CSGALNACT1: variants seen among roughly 807,000 people sequenced by gnomAD.
CSGALNACT1 encodes chondroitin sulfate N-acetylgalactosaminyltransferase 1, also known as beta4GalNAcT-1.
In CSGALNACT1, 52 loss-of-function variants were observed where a neutral mutation model predicts 51.0. The ratio of observed to expected loss-of-function variants is 1.02; its 90% CI spans 0.82 to 1.29. The LOEUF (loss-of-function observed/expected upper bound fraction) is 1.29. Ranked by LOEUF, CSGALNACT1 falls within the 50% of genes most tolerant of loss-of-function variation. The probability of loss-of-function intolerance (pLI) is 0.00; values close to 1 mark genes in which losing one functional copy is unlikely to be tolerated. For missense variants in CSGALNACT1, 935 were observed against 679.2 expected (o/e 1.38, Z -4.19); for synonymous variants, 341 against 254.4 (o/e 1.34, Z -3.24).
At chr8:19,520,186 G>A (rs142329205) in intron 3 of CSGALNACT1, among the ~76,000 whole-genome samples, 83 of 152,282 alleles carry the variant, frequency 5.5e-4, no homozygotes, top group African/African-American at 9.6e-4. Flanking sequence ...ATTATAGAAC[G>A]GGACTACAGA....
intron 1 of CSGALNACT1, among the ~76,000 whole-genome samples, chr8:19,727,941 T>C (rs2063491927): frequency 6.6e-6 from 1 of 152,200 alleles, no homozygotes; most frequent in Non-Finnish European, 1.5e-5. Context: ...AAATTATTGC[T>C]GAGTCTCTTT....
intron 1 of CSGALNACT1, among the ~76,000 whole-genome samples, chr8:19,661,079 AT>A (rs67272509): frequency 0.21 from 30,093 of 143,338 alleles, 3,549 homozygotes; most frequent in African/African-American, 0.35. Flanking sequence ...CACCTGGCTA[AT>A]TTTTTTTTTT....
In CSGALNACT1 at chr8:19,408,587, G is replaced by A. The variant is rs749053013; in HGVS notation, c.1309+26C>T. On this transcript the variant is annotated intron_variant, in intron 9 of 9. Coordinates refer to ENST00000454498, the Ensembl canonical transcript of CSGALNACT1. The stretch of plus-strand genomic sequence containing the variant: ...TACATGGGCCCGTGGCCTCTGGGTG[G>A]CAGTAGAGATGCAGATTTGTCCTAC... 3 of 1,600,390 alleles carry A rather than the reference G, an allele frequency of 1.9e-6. No homozygotes were observed. The East Asian group carries it at 6.7e-5, about 36-fold the overall frequency.
chr8:19,449,419 G>C (rs968591437), intron 5 of CSGALNACT1, among the ~76,000 whole-genome samples: 5 of 152,098 alleles, frequency 3.3e-5, no homozygotes, highest in Non-Finnish European at 7.4e-5. Flanking sequence ...TTTCCTGTTG[G>C]GGAACACAAA....
chr8:19,671,671 G>A (rs540799527), intron 1 of CSGALNACT1, among the ~76,000 whole-genome samples: 1 of 152,288 alleles, frequency 6.6e-6, no homozygotes, highest in South Asian at 2.1e-4. Context: ...TAAATGTCAA[G>A]TATGTTAAAA....
chr8:19,748,074 T>C (rs1027023760), intron 1 of CSGALNACT1, among the ~76,000 whole-genome samples: 48 of 152,290 alleles, frequency 3.2e-4, no homozygotes, highest in African/African-American at 1.1e-3. Context: ...CTTACTTCTA[T>C]GCATATAAGT....
chr8:19,409,500 T>G (rs11781536), intron 8 of CSGALNACT1, among the ~76,000 whole-genome samples: 2,186 of 139,952 alleles, frequency 0.016, 16 homozygotes, highest in Middle Eastern at 0.044. Context: ...TATATATATA[T>G]AGAGAGAGAG....
Position 19,719,091 on chromosome 8 carries a change from C to T in CSGALNACT1, c.-297+38759G>A, listed in dbSNP as rs1345457944. Reference sequence around the variant, plus strand: ...GAGCTAAATTTGTACCCTATTTCTACGAAGTACACAGGACCTGATACCACA... The same window carrying T: ...GAGCTAAATTTGTACCCTATTTCTATGAAGTACACAGGACCTGATACCACA... On this transcript the variant is annotated intron_variant, in intron 1 of 1. Transcript: ENST00000517494. 2.6e-5 allele frequency among the ~76,000 whole-genome samples: 4 copies of T among 152,174 alleles called. No individual in the cohort carries two copies. In the South Asian group the frequency reaches 6.2e-4, roughly 24 times the overall value.
At chr8:19,564,994 T>G (rs1321824254) in intron 3 of CSGALNACT1, among the ~76,000 whole-genome samples, 1 of 152,204 alleles carries the variant, frequency 6.6e-6, no homozygotes, top group Non-Finnish European at 1.5e-5. Flanking sequence ...TGCTGTGCTG[T>G]GCTTTGCATA....
intron 4 of CSGALNACT1, among the ~76,000 whole-genome samples, chr8:19,474,370 A>G (rs894820646): frequency 6.6e-6 from 1 of 152,156 alleles, no homozygotes; most frequent in African/African-American, 2.4e-5. Context: ...TATTTTTAAA[A>G]TTTACTTATT....
chr8:19,707,284 T>C (rs7843312), intron 1 of CSGALNACT1, among the ~76,000 whole-genome samples: 58,914 of 151,970 alleles, frequency 0.39, 12,069 homozygotes, highest in East Asian at 0.66. Context: ...TAATTAGGCA[T>C]AACAAATTAC....
chr8:19,602,082 T>C, exon 1 of CSGALNACT1: 1 of 293,758 alleles, frequency 3.4e-6, no homozygotes. Context: ...CTTTAAACAG[T>C]GATAACCATG....
intron 1 of CSGALNACT1, among the ~76,000 whole-genome samples, chr8:19,747,271 C>T (rs1248325666): frequency 2.6e-5 from 4 of 151,950 alleles, no homozygotes; most frequent in East Asian, 1.9e-4. Context: ...AAAAAAAAGC[C>T]GGTATTTCCA....
chr8:19,607,367 A>G (rs2051541906), upstream of CSGALNACT1, among the ~76,000 whole-genome samples: 1 of 152,186 alleles, frequency 6.6e-6, no homozygotes, highest in Admixed American at 6.5e-5. Context: ...CATTATAACT[A>G]GTCTCTTGAA....
At chr8:19,731,943 T>G (rs2063717017) in intron 1 of CSGALNACT1, among the ~76,000 whole-genome samples, 1 of 152,244 alleles carries the variant, frequency 6.6e-6, no homozygotes, top group African/African-American at 2.4e-5. Context: ...ATCTTTGGCA[T>G]TTCAATTATG....
At chr8:19,692,202 G>A (rs549333875) in intron 1 of CSGALNACT1, among the ~76,000 whole-genome samples, 1 of 152,218 alleles carries the variant, frequency 6.6e-6, no homozygotes, top group East Asian at 1.9e-4. Context: ...GAATTATAGG[G>A]ATTACAATTA....
intron 3 of CSGALNACT1, among the ~76,000 whole-genome samples, chr8:19,553,285 GA>G (rs1349626407): frequency 1.3e-5 from 2 of 151,628 alleles, no homozygotes; most frequent in Admixed American, 1.3e-4. Context: ...AAATAAAATT[GA>G]AAAAAACCTT....
chr8:19,602,716 T>TATCAATGG (rs2050716033), upstream of CSGALNACT1: 1 of 152,094 alleles, frequency 6.6e-6, no homozygotes, highest in Non-Finnish European at 1.5e-5. Flanking sequence ...CTTTTAGGAA[T>TATCAATGG]ATCAATGGAG....
chr8:19,407,506 CTCTA>C (rs1469365891), intron 9 of CSGALNACT1, among the ~76,000 whole-genome samples: 5 of 152,188 alleles, frequency 3.3e-5, no homozygotes, highest in African/African-American at 4.8e-5. Context: ...TAATCTGCAA[CTCTA>C]TCTCTTTCGA....
Sources: gnomAD v4.1 joint callset for allele counts (sites outside exome capture counted in the v4.1 genomes callset) on GRCh38, gnomAD v4.1.1 for gene constraint, MANE v1.5 for transcripts, NCBI Gene and HGNC (gene_info 2026-07-23, HGNC 2026-07-21) for gene names.